Variants in CEP128 observed in about 807,000 individuals in gnomAD.
The protein encoded by CEP128 is centrosomal protein 128kDa.
In CEP128, 132 loss-of-function variants were observed where a neutral mutation model predicts 156.7. The observed-to-expected ratio is 0.84, with a 90% CI of 0.73 to 0.97. The LOEUF (loss-of-function observed/expected upper bound fraction) is 0.97, where lower values mean the gene tolerates loss of function less well. Ranked by LOEUF, CEP128 falls within the 50% of genes least tolerant of loss-of-function variation. The pLI, the probability that CEP128 is intolerant of heterozygous loss-of-function variation, is 0.00. For missense variants in CEP128, 1,252 were observed against 1,281.9 expected (o/e 0.98, Z 0.36); for synonymous variants, 469 against 448.9 (o/e 1.04, Z -0.57).
intron 23 of CEP128, among the ~76,000 whole-genome samples, chr14:80,526,496 A>T (rs1888979012): frequency 6.6e-6 from 1 of 152,122 alleles, no homozygotes; most frequent in African/African-American, 2.4e-5. Context: ...ATATTATCTG[A>T]CCTACTGCAG....
chr14:80,480,657 T>G (rs897336604), intron 14 of CEP128, among the ~76,000 whole-genome samples: 2 of 152,202 alleles, frequency 1.3e-5, no homozygotes, highest in Non-Finnish European at 2.9e-5. Context: ...ATAGTAAGGC[T>G]GCAAATTTTC....
chr14:80,633,249 A>AAAAAC lies in CEP128; in HGVS notation c.2807-52831_2807-52827dup, dbSNP rs1161632485. Among the ~76,000 whole-genome samples, 4 of 150,900 alleles carry AAAAAC rather than the reference A, an allele frequency of 2.7e-5. No individual in the cohort carries two copies. The Admixed American group carries it at 2.7e-4, about 10-fold the overall frequency. ...CCTAGAAACAAACAAACAAACAAAC[A>AAAAAC]AAAACAAAACAAAACAAACTAGCTT... On this transcript the variant is annotated intron_variant, in intron 19 of 24. Transcript: ENST00000555265.
chr14:80,570,405 C>T (rs1333480748), intron 20 of CEP128, among the ~76,000 whole-genome samples: 8 of 152,134 alleles, frequency 5.3e-5, no homozygotes, highest in African/African-American at 1.4e-4. Context: ...CGTGAGTCAT[C>T]GTGCCCGGCC....
chr14:80,681,083 G>A (rs1009698390), intron 19 of CEP128, among the ~76,000 whole-genome samples: 9 of 152,056 alleles, frequency 5.9e-5, no homozygotes, highest in African/African-American at 2.2e-4. Context: ...TACCTTGTAG[G>A]TCAAACTGCA....
At chr14:80,589,463 G>C (rs761243804) in intron 19 of CEP128, among the ~76,000 whole-genome samples, 2 of 152,108 alleles carry the variant, frequency 1.3e-5, no homozygotes, top group African/African-American at 2.4e-5. Context: ...TTCAATGAAA[G>C]CCTTGTGAAG....
rs111369345 is a variant in CEP128 at position 80,754,623 on chromosome 14, C to T, written c.2613+2269G>A. Reference sequence around the variant, plus strand: ...GACTGCAGGCACGTGCCACCATGACCGGCTAATTTTTTGTATTTTTAGTAG... The same window carrying T: ...GACTGCAGGCACGTGCCACCATGACTGGCTAATTTTTTGTATTTTTAGTAG... On this transcript the variant is annotated intron_variant, in intron 18 of 24. Coordinates refer to ENST00000555265, the MANE Select transcript of CEP128 (RefSeq NM_152446.5). 6.7e-3 allele frequency among the ~76,000 whole-genome samples: 999 copies of T among 148,772 alleles called. 9 individuals carry two copies. Among genetic ancestry groups the T allele is most frequent in the African/African-American group, 0.024 (917 of 38,502 alleles).
At chr14:80,687,938 A>G (rs1488780262) in intron 19 of CEP128, among the ~76,000 whole-genome samples, 1 of 152,160 alleles carries the variant, frequency 6.6e-6, no homozygotes, top group Non-Finnish European at 1.5e-5. Flanking sequence ...CTGGGAATTA[A>G]TAACAATTTT....
intron 13 of CEP128, among the ~76,000 whole-genome samples, chr14:80,810,102 T>A (rs1884419560): frequency 6.6e-6 from 1 of 151,390 alleles, no homozygotes; most frequent in African/African-American, 2.4e-5. Flanking sequence ...GCTGGGAGGA[T>A]CACGAGGTCA....
chr14:80,680,956 G>C (rs535377131), intron 19 of CEP128, among the ~76,000 whole-genome samples: 2 of 152,080 alleles, frequency 1.3e-5, no homozygotes, highest in African/African-American at 4.8e-5. Context: ...CCCATTGCCT[G>C]AGACAATAGA....
intron 19 of CEP128, 70 bp from the exon 20 acceptor site, chr14:80,580,493 A>G: frequency 1.1e-6 from 1 of 876,868 alleles, no homozygotes; most frequent in South Asian, 1.5e-5. Flanking sequence ...CATCAAATGC[A>G]ATTCAGCCAG....
chr14:80,850,777 A>G (rs1886850617), intron 9 of CEP128, among the ~76,000 whole-genome samples: 1 of 152,198 alleles, frequency 6.6e-6, no homozygotes, highest in Non-Finnish European at 1.5e-5. Flanking sequence ...GGGCATCTCC[A>G]TTCTAAATTT....
At chr14:80,750,671 G>A (rs1421622841) in intron 18 of CEP128, among the ~76,000 whole-genome samples, 1 of 152,018 alleles carries the variant, frequency 6.6e-6, no homozygotes, top group Non-Finnish European at 1.5e-5. Context: ...ACTACCTATG[G>A]TCACTGCTAC....
At chr14:80,627,352 A>G (rs1046700387) in intron 19 of CEP128, among the ~76,000 whole-genome samples, 3 of 152,248 alleles carry the variant, frequency 2.0e-5, no homozygotes, top group Non-Finnish European at 2.9e-5. Flanking sequence ...GTGAAAATAA[A>G]GAAATGTAAG....
chr14:80,596,646 A>G (rs1892331748), intron 19 of CEP128, among the ~76,000 whole-genome samples: 1 of 151,624 alleles, frequency 6.6e-6, no homozygotes, highest in African/African-American at 2.4e-5. Flanking sequence ...CCTTCTCTAT[A>G]AAAATTTGTA....
At chr14:80,801,213 T>C (rs1404662250) in intron 13 of CEP128, among the ~76,000 whole-genome samples, 1 of 152,226 alleles carries the variant, frequency 6.6e-6, no homozygotes, top group African/African-American at 2.4e-5. Flanking sequence ...TCTCTTTCTA[T>C]TTGAATGCCT....
intron 21 of CEP128, among the ~76,000 whole-genome samples, chr14:80,542,477 A>G (rs925778336): frequency 6.6e-6 from 1 of 152,206 alleles, no homozygotes; most frequent in Non-Finnish European, 1.5e-5. Context: ...AATAATAAAA[A>G]CAAAAAACAG....
chr14:80,596,469 C>A (rs775154510), intron 19 of CEP128, among the ~76,000 whole-genome samples: 27 of 151,858 alleles, frequency 1.8e-4, no homozygotes, highest in African/African-American at 6.0e-4. Context: ...ATCCATGAGT[C>A]AAAGAAAAGT....
chr14:80,762,445 C>G (rs1299139883), intron 16 of CEP128, among the ~76,000 whole-genome samples: 2 of 151,760 alleles, frequency 1.3e-5, no homozygotes, highest in Non-Finnish European at 2.9e-5. Flanking sequence ...CTAAATACAA[C>G]AAAACCAGGA....
chr14:80,592,276 A>G (rs1892108649), intron 19 of CEP128, among the ~76,000 whole-genome samples: 1 of 152,216 alleles, frequency 6.6e-6, no homozygotes, highest in African/African-American at 2.4e-5. Context: ...AAGGTAGAAA[A>G]CAGGGGAGAA....
Sources: gnomAD v4.1 joint callset for allele counts (sites outside exome capture counted in the v4.1 genomes callset) on GRCh38, gnomAD v4.1.1 for gene constraint, MANE v1.5 for transcripts, NCBI Gene and HGNC (gene_info 2026-07-23, HGNC 2026-07-21) for gene names.